Variants in SHBG observed in about 807,000 individuals in gnomAD.
The protein encoded by SHBG is sex hormone binding globulin.
Under a neutral mutation model 41.9 loss-of-function variants are expected in SHBG, and 37 were observed. That is an observed-to-expected ratio of 0.88 (90% CI 0.68 to 1.16). The LOEUF (loss-of-function observed/expected upper bound fraction) is 1.16. SHBG is among the 50% of genes most tolerant of loss of function. The probability of loss-of-function intolerance (pLI) is 0.00; values close to 1 mark genes in which losing one functional copy is unlikely to be tolerated. For missense variants in SHBG, 466 were observed against 499.9 expected, an observed-to-expected ratio of 0.93 and a Z score of 0.65; for synonymous variants, 217 against 205.8, an observed-to-expected ratio of 1.05 and a Z score of -0.47.
In SHBG at chr17:7,630,870, G is replaced by A; in HGVS notation, c.393+1G>A. ...GCTGGATGATGGGAGATGGCACCAG[G>A]TAAGCTAGCTCTGGTCCTCAGGGGA... is the stretch of plus-strand genomic sequence containing the variant. On this transcript the variant is annotated splice_donor_variant, in intron 3 of 7. Transcript: ENST00000380450. LOFTEE classifies it high-confidence loss of function. This position sits in a 1 kb window ranked among gnomAD's most constrained non-coding sequence, Gnocchi z 4.6. 1 of 1,612,334 alleles carries A rather than the reference G, an allele frequency of 6.2e-7. No homozygotes were observed. The highest frequency in any genetic ancestry group is 8.5e-7 in the Non-Finnish European group (1 of 1,179,770).
chr17:7,627,606 C>T, upstream of SHBG: 1 of 1,613,394 alleles, frequency 6.2e-7, no homozygotes, highest in Non-Finnish European at 8.5e-7. This position sits in a 1 kb window ranked among gnomAD's most constrained non-coding sequence, Gnocchi z 4.8. Flanking sequence ...AGTCTCCCTC[C>T]TTGGCCTCTC....
At chr17:7,627,864 C>A (rs918123906), upstream of SHBG, 1 of 650,278 alleles carries the variant, frequency 1.5e-6, no homozygotes, top group Admixed American at 2.3e-5. The surrounding 1 kb of genome is among the most constrained non-coding windows in gnomAD (Gnocchi z 4.8). Flanking sequence ...ATAGCCCCAC[C>A]CCCTCGAATT....
chr17:7,615,650 C>G (rs918661905), intron 1 of SHBG, among the ~76,000 whole-genome samples: 1 of 16,190 alleles, frequency 6.2e-5, no homozygotes, highest in Admixed American at 9.9e-4. Context: ...GAAACCCACC[C>G]CCCCCCCCAC....
At chr17:7,624,673 A>G (rs191479091), upstream of SHBG, among the ~76,000 whole-genome samples, 11 of 150,464 alleles carry the variant, frequency 7.3e-5, no homozygotes, top group African/African-American at 2.7e-4. Context: ...TGTTTTTGAG[A>G]CTGGGTATGG....
At chr17:7,620,685 C>G (rs911696684) in intron 1 of SHBG, among the ~76,000 whole-genome samples, 1 of 151,596 alleles carries the variant, frequency 6.6e-6, no homozygotes, top group Non-Finnish European at 1.5e-5. Context: ...GGCTGGAGTG[C>G]AATGGTGCAA....
chr17:7,632,702 G>C, intron 6 of SHBG, 50 bp from the exon 7 acceptor site: 5 of 1,453,010 alleles, frequency 3.4e-6, no homozygotes, highest in Non-Finnish European at 4.8e-6. Flanking sequence ...CAGTAGGCCC[G>C]GCTCATTCTT....
chr17:7,616,451 C>CAAAAAAA (rs71159512), intron 1 of SHBG, among the ~76,000 whole-genome samples: 36 of 101,516 alleles, frequency 3.5e-4, no homozygotes, highest in African/African-American at 1.6e-3. Flanking sequence ...ACTAAAAATA[C>CAAAAAAA]AAAAAAAAAA....
intron 1 of SHBG, among the ~76,000 whole-genome samples, chr17:7,620,691 T>G (rs1311444332): frequency 1.3e-5 from 2 of 151,544 alleles, no homozygotes; most frequent in African/African-American, 4.9e-5. Context: ...AGTGCAATGG[T>G]GCAATCTCGG....
Position 7,621,094 on chromosome 17 carries a change from CAAAAAAAAA to C in SHBG, c.-62+7004_-62+7012del, listed in dbSNP as rs61026446. Among the ~76,000 whole-genome samples the C allele has an allele frequency of 4.8e-4, 25 of 52,296 alleles. 1 individual carries two copies. The highest frequency in any genetic ancestry group is 1.7e-3 in the South Asian group (2 of 1,156). The allele number at this position is 52,296 out of a possible 152,430, so 34.3% of individuals were successfully genotyped here. On this transcript the variant is annotated intron_variant, in intron 1 of 5. Coordinates refer to the SHBG transcript ENST00000570547. ...TGGGCAACAGAGCAAGACCCTGTCA[CAAAAAAAAA>C]AAAAAAAAAAAAAAAAAAAATCAAG...
upstream of SHBG, chr17:7,627,424 G>A: frequency 6.2e-7 from 1 of 1,614,032 alleles, no homozygotes; most frequent in Non-Finnish European, 8.5e-7. This position sits in a 1 kb window ranked among gnomAD's most constrained non-coding sequence, Gnocchi z 4.8. Context: ...CCTAAGGCGT[G>A]GGTACGGAAG....
upstream of SHBG, among the ~76,000 whole-genome samples, chr17:7,628,410 C>T (rs1227089459): frequency 3.3e-5 from 5 of 151,480 alleles, no homozygotes; most frequent in East Asian, 2.0e-4. Context: ...ACTACAGTCG[C>T]GCACCGGCAC....
upstream of SHBG, chr17:7,627,908 C>T (rs999926468): frequency 6.6e-5 from 39 of 595,206 alleles, no homozygotes; most frequent in Non-Finnish European, 1.2e-4. This position sits in a 1 kb window ranked among gnomAD's most constrained non-coding sequence, Gnocchi z 4.8. Context: ...GTCAGCCAAT[C>T]AGCTTGGAGA....
At chr17:7,627,846 G>C (rs1597911125), upstream of SHBG, 1 of 660,062 alleles carries the variant, frequency 1.5e-6, no homozygotes, top group Non-Finnish European at 2.8e-6. This position sits in a 1 kb window ranked among gnomAD's most constrained non-coding sequence, Gnocchi z 4.8. Flanking sequence ...GCGATCCTCT[G>C]TCCGGGCATA....
chr17:7,631,882 T>C lies in SHBG; in HGVS notation c.719T>C (p.Ile240Thr), dbSNP rs2072430449. The change falls in exon 6 of 8, where the codon ATT becomes ACT. Residue 240 changes from isoleucine to threonine, a missense_variant. Ile to Thr is a moderately conservative substitution (Grantham distance 89, BLOSUM62 -1). Transcript: ENST00000380450. ...GGATAATCATTTCTCCCCACAGACA[T>C]TCCCCAGCCTCATGCAGAGCCCTGG... ...GTQAEFNLRD[I>T]PQPHAEPWAF... 6.2e-7 allele frequency: 1 copy of C among 1,613,822 alleles called. No homozygotes were observed.
chr17:7,619,331 A>G (rs1407744973), intron 1 of SHBG, among the ~76,000 whole-genome samples: 3 of 150,256 alleles, frequency 2.0e-5, no homozygotes, highest in Non-Finnish European at 4.4e-5. Flanking sequence ...CAGAGGTTGC[A>G]GTGAGCCAAG....
At chr17:7,620,891 A>G (rs1188656307) in intron 1 of SHBG, among the ~76,000 whole-genome samples, 1 of 151,982 alleles carries the variant, frequency 6.6e-6, no homozygotes, top group Non-Finnish European at 1.5e-5. Context: ...TCGGCCTCCC[A>G]GAGTGCTAGA....
intron 4 of SHBG, 111 bp from the exon 5 acceptor site, chr17:7,631,478 A>T: frequency 6.4e-7 from 1 of 1,557,942 alleles, no homozygotes; most frequent in African/African-American, 1.4e-5. Flanking sequence ...GAGAGCTGCA[A>T]GGGGGAGGCC....
upstream of SHBG, chr17:7,626,192 A>C (rs1355700666): frequency 3.7e-4 from 83 of 226,196 alleles, no homozygotes; most frequent in Non-Finnish European, 6.6e-4. Flanking sequence ...TCTGTCTCAA[A>C]AAAAAAAAAA....
At chr17:7,624,021 G>A (rs1310826289), upstream of SHBG, among the ~76,000 whole-genome samples, 2 of 151,916 alleles carry the variant, frequency 1.3e-5, no homozygotes, top group Non-Finnish European at 2.9e-5. Flanking sequence ...GTGCAATCTC[G>A]GCTCACTGCA....
Sources: gnomAD v4.1 joint callset for allele counts (sites outside exome capture counted in the v4.1 genomes callset) on GRCh38, gnomAD v4.1.1 for gene constraint, Gnocchi (gnomAD v3.1) non-coding constraint, MANE v1.5 for transcripts, NCBI Gene and HGNC (gene_info 2026-07-23, HGNC 2026-07-21) for gene names.